BICC1: variants seen among roughly 807,000 people sequenced by gnomAD.
The protein encoded by BICC1 is BicC family RNA binding protein 1.
Under a neutral mutation model 111.0 loss-of-function variants are expected in BICC1, and 43 were observed. That is an observed-to-expected ratio of 0.39 (90% CI 0.30 to 0.50). BICC1 has a LOEUF of 0.50. Ranked by LOEUF, BICC1 falls within the 20% of genes least tolerant of loss-of-function variation. The probability of loss-of-function intolerance (pLI) is 0.88; values close to 1 mark genes in which losing one functional copy is unlikely to be tolerated. For missense variants in BICC1, 1,091 were observed against 1,203.2 expected (o/e 0.91, Z 1.38); for synonymous variants, 467 against 434.4 (o/e 1.07, Z -0.93).
chr10:58,528,921 T>TG (rs1400165311), intron 1 of BICC1, among the ~76,000 whole-genome samples: 1 of 151,836 alleles, frequency 6.6e-6, no homozygotes, highest in African/African-American at 2.4e-5. Flanking sequence ...TCACAGCAAA[T>TG]GGGAAATGTG....
At chr10:58,523,146 T>G (rs1355269761) in intron 1 of BICC1, among the ~76,000 whole-genome samples, 1 of 152,166 alleles carries the variant, frequency 6.6e-6, no homozygotes, top group East Asian at 1.9e-4. Context: ...CTGGTACCAT[T>G]CCTTCTGAAA....
intron 1 of BICC1, among the ~76,000 whole-genome samples, chr10:58,546,608 T>C (rs1843143786): frequency 6.6e-6 from 1 of 152,138 alleles, no homozygotes. Context: ...TGAAGTCCTC[T>C]AAGACTCAGC....
At chr10:58,675,094 G>T (rs1292223287) in intron 2 of BICC1, among the ~76,000 whole-genome samples, 1 of 152,174 alleles carries the variant, frequency 6.6e-6, no homozygotes, top group East Asian at 1.9e-4. Context: ...ACATGGTTTT[G>T]GAGAGGGAAT....
At chr10:58,558,047 G>T (rs1442381294) in intron 1 of BICC1, among the ~76,000 whole-genome samples, 1 of 151,930 alleles carries the variant, frequency 6.6e-6, no homozygotes, top group East Asian at 1.9e-4. Flanking sequence ...TTTAGTTCAG[G>T]GCTAGTTTTA....
At position 58,778,447 on chromosome 10, in the gene BICC1, T is replaced by C. The variant is rs116614550; in HGVS notation, c.308-6554T>C. On this transcript the variant is annotated intron_variant, in intron 3 of 20. Coordinates refer to ENST00000373886, the MANE Select transcript of BICC1 (RefSeq NM_001080512.3). ...TGATTAGCATATATTTTGTGTGTTA[T>C]ATGTATTATATACAGTAGTCTTAAC... Among the ~76,000 whole-genome samples, 386 of 152,280 alleles carry C rather than the reference T, an allele frequency of 2.5e-3. 3 individuals carry two copies. Among genetic ancestry groups the C allele is most frequent in the African/African-American group, 9.0e-3 (372 of 41,546 alleles).
intron 2 of BICC1, among the ~76,000 whole-genome samples, chr10:58,674,470 T>C (rs938880572): frequency 4.6e-5 from 7 of 152,222 alleles, no homozygotes; most frequent in African/African-American, 1.2e-4. Flanking sequence ...GTGGAACATA[T>C]ATTTATGTTA....
chr10:58,763,414 G>A (rs543839242), intron 3 of BICC1, among the ~76,000 whole-genome samples: 35 of 152,148 alleles, frequency 2.3e-4, no homozygotes, highest in Non-Finnish European at 4.1e-4. Context: ...CAAGTTAAAT[G>A]TGATTTAAAT....
rs893305407 is a variant in BICC1 at position 58,584,184 on chromosome 10, C to A, written c.191-36671C>A. On this transcript the variant is annotated intron_variant, in intron 1 of 20. Transcript: ENST00000373886. ...AATGTAGCATATTTCTTAATGATATCTCAACCAGATTTTATAGCTTTCCTT... is the reference window on the plus strand; with the variant it reads ...AATGTAGCATATTTCTTAATGATATATCAACCAGATTTTATAGCTTTCCTT... Among the ~76,000 whole-genome samples the A allele has an allele frequency of 2.6e-5, 4 of 152,202 alleles. No individual in the cohort carries two copies. The East Asian group carries it at 7.7e-4, about 29-fold the overall frequency.
At chr10:58,702,019 A>G (rs552721124) in intron 2 of BICC1, 55 bp from the exon 3 acceptor site, 1 of 1,348,706 alleles carries the variant, frequency 7.4e-7, no homozygotes, top group African/African-American at 1.5e-5. Context: ...GAAAAATCTT[A>G]TCTGTAAATA....
chr10:58,621,448 A>G (rs776451104), intron 2 of BICC1, among the ~76,000 whole-genome samples: 4 of 152,134 alleles, frequency 2.6e-5, no homozygotes, highest in Non-Finnish European at 4.4e-5. Flanking sequence ...TCCAACTTAT[A>G]CTGAATACCC....
At chr10:58,807,991 T>C (rs746652556) in intron 17 of BICC1, among the ~76,000 whole-genome samples, 1 of 151,922 alleles carries the variant, frequency 6.6e-6, no homozygotes, top group Non-Finnish European at 1.5e-5. Flanking sequence ...GTCTAATAAC[T>C]AGCATTTGTA....
chr10:58,781,201 G>A (rs957917788), intron 3 of BICC1, among the ~76,000 whole-genome samples: 2 of 152,112 alleles, frequency 1.3e-5, no homozygotes, highest in Admixed American at 6.5e-5. Flanking sequence ...TTTTTAAAGA[G>A]GTGCTAAGAT....
At chr10:58,732,413 AT>A (rs1841342014) in intron 3 of BICC1, among the ~76,000 whole-genome samples, 1 of 71,798 alleles carries the variant, frequency 1.4e-5, no homozygotes, top group Admixed American at 1.5e-4. Context: ...ATATATATAT[AT>A]ATATATATAT....
intron 1 of BICC1, among the ~76,000 whole-genome samples, chr10:58,533,042 A>G (rs1842722407): frequency 6.6e-6 from 1 of 151,746 alleles, no homozygotes; most frequent in South Asian, 2.1e-4. Flanking sequence ...AGAAAATAAC[A>G]TCTGCCTCCG....
At chr10:58,721,978 C>T (rs1361499692) in intron 3 of BICC1, among the ~76,000 whole-genome samples, 1 of 152,180 alleles carries the variant, frequency 6.6e-6, no homozygotes, top group African/African-American at 2.4e-5. Context: ...CCGTTACTAA[C>T]AATATAGTTG....
At position 58,769,404 on chromosome 10, in the gene BICC1, GTATA is replaced by G. The variant is rs59606054; in HGVS notation, c.308-15578_308-15575del. Among the ~76,000 whole-genome samples, 110 of 109,748 alleles carry G rather than the reference GTATA, an allele frequency of 1.0e-3. 1 individual carries two copies. The highest frequency in any genetic ancestry group is 2.2e-3 in the East Asian group (7 of 3,248). 72.0% of individuals were successfully genotyped at this position (109,748 alleles called of 152,430 possible). A position where few individuals can be genotyped will look rare whatever the true frequency, so the allele number is the denominator to read the frequency against. ...TGTGTGTGTGTGTGTGTGTGTGTGT[GTATA>G]TATATATATATATATATAATCACAG... On this transcript the variant is annotated intron_variant, in intron 3 of 20. Coordinates refer to ENST00000373886, the MANE Select transcript of BICC1 (RefSeq NM_001080512.3).
chr10:58,648,557 A>G (rs1838339834), intron 2 of BICC1: 1 of 985,128 alleles, frequency 1.0e-6, no homozygotes, highest in South Asian at 4.7e-5. Context: ...AGGCTATGAT[A>G]TGGAGGGAAC....
At chr10:58,826,220 A>T (rs1255846708) in intron 20 of BICC1, among the ~76,000 whole-genome samples, 1 of 152,190 alleles carries the variant, frequency 6.6e-6, no homozygotes, top group Non-Finnish European at 1.5e-5. Flanking sequence ...GAAGGATCTA[A>T]AGTTGGAGAA....
At chr10:58,643,350 C>T (rs1838178876) in intron 2 of BICC1, among the ~76,000 whole-genome samples, 1 of 152,350 alleles carries the variant, frequency 6.6e-6, no homozygotes, top group East Asian at 1.9e-4. Context: ...TCTTTGCTAT[C>T]TTCTTCCTTT....
Sources: gnomAD v4.1 joint callset for allele counts (sites outside exome capture counted in the v4.1 genomes callset) on GRCh38, gnomAD v4.1.1 for gene constraint, MANE v1.5 for transcripts, NCBI Gene and HGNC (gene_info 2026-07-23, HGNC 2026-07-21) for gene names.